ATP9B: variants seen among roughly 807,000 people sequenced by gnomAD.
ATP9B encodes the protein probable phospholipid-transporting ATPase IIB.
ATP9B carries 110 observed loss-of-function variants against 146.1 expected under a neutral mutation model. The ratio of observed to expected loss-of-function variants is 0.75; its 90% CI spans 0.65 to 0.88. The LOEUF (loss-of-function observed/expected upper bound fraction) is 0.88, where lower values mean the gene tolerates loss of function less well. Ranked by LOEUF, ATP9B falls within the 40% of genes least tolerant of loss-of-function variation. ATP9B has a pLI of 0.00. For missense variants in ATP9B, 1,499 were observed against 1,496.4 expected (o/e 1.00, Z -0.03); for synonymous variants, 604 against 569.7 (o/e 1.06, Z -0.86).
chr18:79,332,606 G>A (rs2096797686), intron 17 of ATP9B, among the ~76,000 whole-genome samples: 1 of 152,178 alleles, frequency 6.6e-6, no homozygotes, highest in South Asian at 2.1e-4. Flanking sequence ...AGAACAGGTG[G>A]AGGAGGTGGA....
chr18:79,210,215 C>T (rs1346402053), intron 10 of ATP9B, among the ~76,000 whole-genome samples: 2 of 152,206 alleles, frequency 1.3e-5, no homozygotes, highest in African/African-American at 2.4e-5. Context: ...GGAGAACCAT[C>T]GTGTTTATTA....
At chr18:79,081,772 A>C (rs1366546743) in intron 1 of ATP9B, among the ~76,000 whole-genome samples, 1 of 151,518 alleles carries the variant, frequency 6.6e-6, no homozygotes, top group Admixed American at 6.6e-5. Context: ...CTGCAGAGAG[A>C]TCTGCTGTTA....
intron 11 of ATP9B, among the ~76,000 whole-genome samples, chr18:79,251,347 G>A (rs922909286): frequency 1.3e-4 from 20 of 152,304 alleles, no homozygotes; most frequent in South Asian, 1.0e-3. Context: ...TTTATTAACC[G>A]ATGGTAGTGC....
intron 14 of ATP9B, among the ~76,000 whole-genome samples, 186 bp from the exon 15 acceptor site, chr18:79,306,800 C>T (rs1367191804): frequency 3.3e-5 from 5 of 152,098 alleles, no homozygotes; most frequent in Non-Finnish European, 7.3e-5. Flanking sequence ...TATCGAAGTG[C>T]TTCATAGTAC....
chr18:79,368,393 A>C (rs889534676), intron 26 of ATP9B, among the ~76,000 whole-genome samples: 8 of 152,166 alleles, frequency 5.3e-5, no homozygotes, highest in African/African-American at 1.4e-4. Context: ...CCCTGTCTCT[A>C]CAAAAACAGG....
chr18:79,119,645 A>T (rs1227670207), intron 4 of ATP9B, among the ~76,000 whole-genome samples: 1 of 152,194 alleles, frequency 6.6e-6, no homozygotes, highest in Non-Finnish European at 1.5e-5. Context: ...CTTCTGATGC[A>T]CCTAGATGAG....
At chr18:79,171,386 G>A (rs950117382) in intron 7 of ATP9B, among the ~76,000 whole-genome samples, 4 of 152,100 alleles carry the variant, frequency 2.6e-5, no homozygotes, top group African/African-American at 9.7e-5. Context: ...CATATTAATA[G>A]GAAAGATAGA....
intron 25 of ATP9B, chr18:79,353,476 G>C (rs1230411904): frequency 6.6e-6 from 1 of 152,302 alleles, no homozygotes; most frequent in Non-Finnish European, 1.5e-5. Context: ...AGTGTGAGAC[G>C]CTGGCCTGCA....
At chr18:79,086,576 A>G (rs1295636776) in intron 1 of ATP9B, 1 of 151,916 alleles carries the variant, frequency 6.6e-6, no homozygotes, top group African/African-American at 2.4e-5. Flanking sequence ...GGAACATCAC[A>G]ATTTTAGGTA....
At chr18:79,345,230 G>A (rs1490242045) in intron 21 of ATP9B, among the ~76,000 whole-genome samples, 198 bp from the exon 22 acceptor site, 1 of 152,166 alleles carries the variant, frequency 6.6e-6, no homozygotes, top group South Asian at 2.1e-4. Context: ...ATGGTTCCAT[G>A]TTACATAGAA....
intron 15 of ATP9B, among the ~76,000 whole-genome samples, chr18:79,318,871 G>C (rs966185953): frequency 6.6e-6 from 1 of 152,210 alleles, no homozygotes; most frequent in African/African-American, 2.4e-5. Context: ...CATGACTTCA[G>C]GTCCCACTGT....
At chr18:79,246,672 G>A (rs2095967697) in intron 11 of ATP9B, among the ~76,000 whole-genome samples, 1 of 152,250 alleles carries the variant, frequency 6.6e-6, no homozygotes, top group African/African-American at 2.4e-5. Flanking sequence ...GGGACTGCAG[G>A]GATCAGGACG....
chr18:79,300,063 A>G (rs2096579962), intron 13 of ATP9B: 1 of 152,362 alleles, frequency 6.6e-6, no homozygotes, highest in Non-Finnish European at 1.5e-5. Flanking sequence ...GTCTTCGGAA[A>G]TAGCACTGCT....
intron 25 of ATP9B, among the ~76,000 whole-genome samples, chr18:79,348,520 C>T (rs750517652): frequency 4.5e-4 from 68 of 152,346 alleles, no homozygotes; most frequent in Non-Finnish European, 6.6e-4. Flanking sequence ...CAGGCCCTCC[C>T]GGCTCTCTGC....
chr18:79,163,165 T>C (rs887777664), intron 7 of ATP9B, among the ~76,000 whole-genome samples: 30 of 152,378 alleles, frequency 2.0e-4, no homozygotes, highest in African/African-American at 6.7e-4. Flanking sequence ...TCTGATTTGC[T>C]AGAGTTCATT....
chr18:79,124,083 C>CT (rs1422624622), intron 4 of ATP9B, among the ~76,000 whole-genome samples: 3 of 152,140 alleles, frequency 2.0e-5, no homozygotes, highest in Non-Finnish European at 4.4e-5. Flanking sequence ...GGTGCAGCCA[C>CT]TTTGAGGAGC....
intron 5 of ATP9B, among the ~76,000 whole-genome samples, chr18:79,134,710 TTATC>T (rs34913480): frequency 0.25 from 37,844 of 151,992 alleles, 5,013 homozygotes; most frequent in East Asian, 0.5. Context: ...TTTTGTTTCT[TTATC>T]TATTTTTACC....
intron 26 of ATP9B, among the ~76,000 whole-genome samples, chr18:79,368,363 C>T (rs1310304244): frequency 1.3e-5 from 2 of 152,212 alleles, no homozygotes; most frequent in Admixed American, 6.5e-5. Context: ...TGCACCCCAT[C>T]CCTCGGCAAC....
chr18:79,096,448 C>T, intron 1 of ATP9B, 28 bp from the exon 2 acceptor site: 1 of 1,608,768 alleles, frequency 6.2e-7, no homozygotes, highest in Non-Finnish European at 8.5e-7. Flanking sequence ...CTTGGCCTAT[C>T]TCAGCACTCC....
Sources: gnomAD v4.1 joint callset for allele counts (sites outside exome capture counted in the v4.1 genomes callset) on GRCh38, gnomAD v4.1.1 for gene constraint, MANE v1.5 for transcripts, NCBI Gene and HGNC (gene_info 2026-07-23, HGNC 2026-07-21) for gene names.